The following FRS2 variants were observed in gnomAD, a reference collection of about 807,000 sequenced individuals.
FRS2 encodes the protein FGFR signalling adaptor.
FRS2 carries 8 observed loss-of-function variants against 43.9 expected under a neutral mutation model. The ratio of observed to expected loss-of-function variants is 0.18; its 90% CI spans 0.11 to 0.33. The LOEUF (loss-of-function observed/expected upper bound fraction) is 0.33, where lower values mean the gene tolerates loss of function less well. Ranked by LOEUF, FRS2 falls within the 10% of genes least tolerant of loss-of-function variation. The pLI, the probability that FRS2 is intolerant of heterozygous loss-of-function variation, is 1.00. For synonymous variants in FRS2, 219 were observed against 220.3 expected (o/e 0.99, Z 0.05); for missense variants, 534 against 627.6 (o/e 0.85, Z 1.59).
intron 3 of FRS2, among the ~76,000 whole-genome samples, chr12:69,551,293 CA>C (rs564535363): frequency 2.5e-3 from 387 of 152,256 alleles, no homozygotes; most frequent in Non-Finnish European, 4.8e-3. Context: ...GTTAAGGCTG[CA>C]GTGAGCTTTG....
rs912582497 is a variant in FRS2 at position 69,578,460 on chromosome 12, A to G, written c.*3505A>G. 7 of 152,452 alleles carry G rather than the reference A, an allele frequency of 4.6e-5. No homozygotes were observed. The East Asian group carries it at 9.6e-4, about 21-fold the overall frequency. 9.4% of individuals were successfully genotyped at this position (152,452 alleles called of 1,614,324 possible). ...TATACTCTGCCCAAACCAGCACCCT[A>G]TCTATCTTTCCTGTTCTTTACATCC... On this transcript the variant is annotated 3_prime_UTR_variant, in exon 9 of 9. Transcript: ENST00000549921.
chr12:69,556,588 C>T (rs1036144241), intron 3 of FRS2, among the ~76,000 whole-genome samples: 10 of 152,168 alleles, frequency 6.6e-5, no homozygotes, highest in Admixed American at 6.5e-5. Context: ...GGCCAAAGTG[C>T]TGGGATTACA....
chr12:69,508,896 C>G (rs1007856000), intron 1 of FRS2, among the ~76,000 whole-genome samples: 5 of 152,098 alleles, frequency 3.3e-5, no homozygotes, highest in Non-Finnish European at 5.9e-5. Context: ...TTTTTCTCAT[C>G]TTTATAGGGT....
intron 1 of FRS2, among the ~76,000 whole-genome samples, chr12:69,492,922 C>T (rs1872595674): frequency 6.6e-6 from 1 of 152,180 alleles, no homozygotes; most frequent in Non-Finnish European, 1.5e-5. Flanking sequence ...TTTGTGCATA[C>T]TTCTGCCATG....
At chr12:69,517,333 C>T (rs1162072980) in intron 1 of FRS2, among the ~76,000 whole-genome samples, 1 of 152,134 alleles carries the variant, frequency 6.6e-6, no homozygotes, top group African/African-American at 2.4e-5. Context: ...AAATGAATTT[C>T]ATGTTTAGAC....
At position 69,572,134 on chromosome 12, in the gene FRS2, T is replaced by C. The variant is rs1880816057; in HGVS notation, c.429T>C (p.Ala143=). ...PRTPTTPGFA[A]QNLPNGYPRY... is the part of the protein sequence containing the mutation. ...AAAACTCAGCTCCAGGATTTGCTGC[T>C]CAGAACTTACCTAATGGATATCCCC... The change falls in exon 8 of 9, where the codon GCT becomes GCC. Residue 143 remains alanine (A), a synonymous_variant. Coordinates refer to ENST00000549921, the MANE Select transcript of FRS2 (RefSeq NM_001278356.2). 5 of 1,613,550 alleles carry C rather than the reference T, an allele frequency of 3.1e-6. No homozygotes were observed. The highest frequency in any genetic ancestry group is 4.2e-6 in the Non-Finnish European group (5 of 1,179,780).
intron 1 of FRS2, among the ~76,000 whole-genome samples, chr12:69,488,444 C>T (rs897794633): frequency 1.3e-5 from 2 of 152,114 alleles, no homozygotes; most frequent in African/African-American, 2.4e-5. Context: ...AAGGTATGTG[C>T]GTTTTTTTAA....
At chr12:69,513,362 T>G (rs909145047) in intron 1 of FRS2, among the ~76,000 whole-genome samples, 2 of 152,122 alleles carry the variant, frequency 1.3e-5, no homozygotes, top group Non-Finnish European at 2.9e-5. Context: ...AAACATAGTT[T>G]CAACCCCATA....
chr12:69,535,463 ATAT>A (rs1298412302), intron 3 of FRS2, among the ~76,000 whole-genome samples: 2 of 152,174 alleles, frequency 1.3e-5, no homozygotes, highest in East Asian at 3.8e-4. Context: ...CATGAGCATC[ATAT>A]TATTTTTCAT....
At chr12:69,485,234 G>T (rs1413969252) in intron 1 of FRS2, among the ~76,000 whole-genome samples, 1 of 151,996 alleles carries the variant, frequency 6.6e-6, no homozygotes, top group Non-Finnish European at 1.5e-5. Context: ...CCAGGCTGGA[G>T]TGCAGTGGCG....
intron 1 of FRS2, among the ~76,000 whole-genome samples, chr12:69,485,820 C>T (rs1023646911): frequency 2.0e-5 from 3 of 152,136 alleles, no homozygotes; most frequent in African/African-American, 7.2e-5. Flanking sequence ...TACTTAAGTG[C>T]ATTTTTTTTC....
chr12:69,524,246 G>T (rs962212862), intron 1 of FRS2, among the ~76,000 whole-genome samples: 1 of 152,046 alleles, frequency 6.6e-6, no homozygotes, highest in Non-Finnish European at 1.5e-5. Context: ...GGGGACGGGG[G>T]TGCACTCACG....
chr12:69,541,610 G>T (rs1877906102), intron 3 of FRS2, among the ~76,000 whole-genome samples: 2 of 152,040 alleles, frequency 1.3e-5, no homozygotes, highest in African/African-American at 4.8e-5. Flanking sequence ...TGGATCACTT[G>T]AGCCTGGGAG....
At position 69,524,725 on chromosome 12, in the gene FRS2, A is replaced by G. The variant is rs374305607; in HGVS notation, c.-260-6140A>G. Among the ~76,000 whole-genome samples the G allele has an allele frequency of 3.5e-3, 537 of 152,246 alleles. 3 individuals carry two copies. Among genetic ancestry groups the G allele is most frequent in the African/African-American group, 0.012 (517 of 41,546 alleles). Reference sequence around the variant, plus strand: ...CATCCCTGGCCGTGTTCCACTACAGAGGCTGCAGCACCAAACCCTCTAGAC... The same window carrying G: ...CATCCCTGGCCGTGTTCCACTACAGGGGCTGCAGCACCAAACCCTCTAGAC... On this transcript the variant is annotated intron_variant, in intron 1 of 8. Coordinates refer to ENST00000549921, the MANE Select transcript of FRS2 (RefSeq NM_001278356.2).
chr12:69,473,989 C>T (rs929504781), intron 1 of FRS2, among the ~76,000 whole-genome samples: 2 of 152,138 alleles, frequency 1.3e-5, no homozygotes, highest in African/African-American at 4.8e-5. Context: ...ACTACAGGTG[C>T]TCACCACCAC....
In FRS2 at chr12:69,472,307, G is replaced by A. The variant is rs150703482; in HGVS notation, c.-261+1777G>A. On this transcript the variant is annotated intron_variant, in intron 1 of 8. Transcript: ENST00000549921. ...GAGGTTTCACTATGTTGCCCAGGCT[G>A]GTCTTGAACTCCTGGGCTCAAGTGA... Among the ~76,000 whole-genome samples, 1,295 of 147,168 alleles carry A rather than the reference G, an allele frequency of 8.8e-3. 23 individuals carry two copies. The highest frequency in any genetic ancestry group is 0.03 in the African/African-American group (1,187 of 39,430).
At chr12:69,551,044 T>TA (rs1246713859) in intron 3 of FRS2, among the ~76,000 whole-genome samples, 2 of 151,774 alleles carry the variant, frequency 1.3e-5, no homozygotes, top group Admixed American at 6.6e-5. Flanking sequence ...CATGTGTCTT[T>TA]AAAAAAAAGA....
chr12:69,572,565 T>A (rs1446837341), intron 8 of FRS2, among the ~76,000 whole-genome samples: 1 of 152,194 alleles, frequency 6.6e-6, no homozygotes, highest in Non-Finnish European at 1.5e-5. Context: ...ATTATAAGAA[T>A]GTCCAATGGA....
intron 1 of FRS2, among the ~76,000 whole-genome samples, chr12:69,485,974 T>G (rs1455089988): frequency 6.6e-6 from 1 of 152,240 alleles, no homozygotes; most frequent in Admixed American, 6.5e-5. Context: ...TGTACATTCC[T>G]TCACTTTTTC....
Sources: gnomAD v4.1 joint callset for allele counts (sites outside exome capture counted in the v4.1 genomes callset) on GRCh38, gnomAD v4.1.1 for gene constraint, MANE v1.5 for transcripts, NCBI Gene and HGNC (gene_info 2026-07-23, HGNC 2026-07-21) for gene names.